CACNB2: variants seen among roughly 807,000 people sequenced by gnomAD.
CACNB2 encodes the protein voltage-dependent L-type calcium channel subunit beta-2.
In CACNB2, 42 loss-of-function variants were observed where a neutral mutation model predicts 73.3. The observed-to-expected ratio is 0.57, with a 90% confidence interval of 0.45 to 0.74. CACNB2 has a LOEUF of 0.74. Ranked by LOEUF, CACNB2 falls within the 30% of genes least tolerant of loss-of-function variation. The pLI is 0.00. For synonymous variants in CACNB2, 348 were observed against 310.3 expected (o/e 1.12, Z -1.28); for missense variants, 940 against 853.0 (o/e 1.10, Z -1.27).
intron 2 of CACNB2, among the ~76,000 whole-genome samples, chr10:18,342,835 T>G (rs1361517057): frequency 6.6e-6 from 1 of 152,038 alleles, no homozygotes; most frequent in Non-Finnish European, 1.5e-5. Context: ...CATATGTATA[T>G]TTATATATGT....
At chr10:18,178,201 A>G (rs2033701944) in intron 2 of CACNB2, among the ~76,000 whole-genome samples, 1 of 152,194 alleles carries the variant, frequency 6.6e-6, no homozygotes, top group Non-Finnish European at 1.5e-5. Flanking sequence ...TCCTTAAGTC[A>G]TAAGCCTGTA....
intron 3 of CACNB2, among the ~76,000 whole-genome samples, chr10:18,440,979 C>T (rs779899753): frequency 6.6e-6 from 1 of 152,154 alleles, no homozygotes; most frequent in Non-Finnish European, 1.5e-5. Flanking sequence ...ATCTTAAAAG[C>T]CCTCATAAAA....
chr10:18,422,987 T>G (rs955771113), intron 3 of CACNB2, among the ~76,000 whole-genome samples: 1 of 152,238 alleles, frequency 6.6e-6, no homozygotes, highest in Non-Finnish European at 1.5e-5. Flanking sequence ...CGTGAGCCAC[T>G]GCGCCTGGCC....
At chr10:18,236,504 C>A (rs1017197561) in intron 2 of CACNB2, among the ~76,000 whole-genome samples, 8 of 152,202 alleles carry the variant, frequency 5.3e-5, no homozygotes, top group Non-Finnish European at 1.0e-4. Flanking sequence ...ATTTCCAGAG[C>A]CCCTCAGTAG....
At chr10:18,154,038 C>T (rs2031829071) in intron 2 of CACNB2, among the ~76,000 whole-genome samples, 1 of 151,586 alleles carries the variant, frequency 6.6e-6, no homozygotes, top group South Asian at 2.1e-4. Context: ...GATATTTGCC[C>T]AATAGAATTT....
chr10:18,538,434 C>A, intron 13 of CACNB2, 69 bp downstream of exon 13: 2 of 1,394,598 alleles, frequency 1.4e-6, no homozygotes, highest in Non-Finnish European at 2.0e-6. Flanking sequence ...ATGGTGACAC[C>A]TCTAGGATCC....
chr10:18,220,116 T>A (rs1168079493), intron 2 of CACNB2, among the ~76,000 whole-genome samples: 5 of 21,258 alleles, frequency 2.4e-4, no homozygotes, highest in African/African-American at 1.8e-3. Context: ...TTTTAATATA[T>A]ATATATATAT....
intron 3 of CACNB2, among the ~76,000 whole-genome samples, chr10:18,411,421 G>GTAATAT (rs2044620657): frequency 6.6e-6 from 1 of 151,450 alleles, no homozygotes; most frequent in Non-Finnish European, 1.5e-5. Context: ...AATGACAACA[G>GTAATAT]TAATAGCACT....
chr10:18,289,284 G>GTTT (rs1489491866), intron 2 of CACNB2, among the ~76,000 whole-genome samples: 892 of 85,464 alleles, frequency 0.01, 133 homozygotes, highest in African/African-American at 0.024. Context: ...TTTTTTTCTT[G>GTTT]TTTTTTTGTT....
chr10:18,226,038 T>A (rs1347490438), intron 2 of CACNB2, among the ~76,000 whole-genome samples: 1 of 151,852 alleles, frequency 6.6e-6, no homozygotes, highest in Non-Finnish European at 1.5e-5. Flanking sequence ...TTCTTTTTTT[T>A]TTTCTTGAGA....
intron 3 of CACNB2, among the ~76,000 whole-genome samples, chr10:18,402,790 A>T (rs2044076260): frequency 1.3e-5 from 2 of 152,208 alleles, no homozygotes; most frequent in African/African-American, 4.8e-5. Flanking sequence ...GGTTTGTGGG[A>T]TACTCAGTCA....
chr10:18,182,902 A>T (rs757961105), intron 2 of CACNB2, among the ~76,000 whole-genome samples: 15 of 152,152 alleles, frequency 9.9e-5, no homozygotes, highest in Admixed American at 3.9e-4. Flanking sequence ...TTTTTACCCA[A>T]ATCCTTTTAT....
At chr10:18,223,446 C>T (rs911839301) in intron 2 of CACNB2, among the ~76,000 whole-genome samples, 2 of 152,124 alleles carry the variant, frequency 1.3e-5, no homozygotes, top group Admixed American at 6.5e-5. Flanking sequence ...ACTACTAATA[C>T]ATTCCTCTTG....
chr10:18,212,906 G>C (rs2035374288), intron 2 of CACNB2, among the ~76,000 whole-genome samples: 1 of 152,204 alleles, frequency 6.6e-6, no homozygotes, highest in Non-Finnish European at 1.5e-5. Flanking sequence ...CCTGGCAATA[G>C]TTAATTATGA....
intron 2 of CACNB2, among the ~76,000 whole-genome samples, chr10:18,305,502 C>T (rs1435582580): frequency 1.3e-5 from 2 of 152,178 alleles, no homozygotes; most frequent in African/African-American, 2.4e-5. Flanking sequence ...TCGAAATCTG[C>T]AATGAACGTA....
At chr10:18,526,841 CA>C (rs1331715182) in intron 9 of CACNB2, among the ~76,000 whole-genome samples, 1 of 152,152 alleles carries the variant, frequency 6.6e-6, no homozygotes, top group Non-Finnish European at 1.5e-5. Context: ...CCTATCACAG[CA>C]ATGAACTATG....
At chr10:18,381,075 G>A (rs2042995824) in intron 2 of CACNB2, among the ~76,000 whole-genome samples, 1 of 151,682 alleles carries the variant, frequency 6.6e-6, no homozygotes, top group African/African-American at 2.4e-5. Context: ...GTAGTGAGAT[G>A]GACAGAGCTG....
At chr10:18,319,258 T>C (rs1193810308) in intron 2 of CACNB2, among the ~76,000 whole-genome samples, 3 of 152,222 alleles carry the variant, frequency 2.0e-5, no homozygotes, top group African/African-American at 7.2e-5. Flanking sequence ...TGTGGAATAC[T>C]ATGCAGCCAT....
chr10:18,540,684 C>T lies in CACNB2; in HGVS notation c.*960C>T, dbSNP rs1210971202. The stretch of plus-strand genomic sequence containing the variant: ...GCTAGTGTCTGTTCTAGTCACTGCA[C>T]TGGAGTCTACGAGCCGGAACTCGCT... On this transcript the variant is annotated 3_prime_UTR_variant, in exon 14 of 14. Coordinates refer to ENST00000324631, the MANE Select transcript of CACNB2 (RefSeq NM_201596.3). 1 of 152,570 alleles carries T rather than the reference C, an allele frequency of 6.6e-6. No homozygotes were observed. Among genetic ancestry groups the T allele is most frequent in the African/African-American group, 2.4e-5 (1 of 41,436 alleles). The allele number at this position is 152,570 out of a possible 1,614,324, so 9.5% of individuals were successfully genotyped here.
Sources: gnomAD v4.1 joint callset for allele counts (sites outside exome capture counted in the v4.1 genomes callset) on GRCh38, gnomAD v4.1.1 for gene constraint, MANE v1.5 for transcripts, NCBI Gene and HGNC (gene_info 2026-07-23, HGNC 2026-07-21) for gene names.